OPCML: variants seen among roughly 807,000 people sequenced by gnomAD.
The protein encoded by OPCML is opioid binding protein/cell adhesion molecule like.
OPCML carries 13 observed loss-of-function variants against 37.8 expected under a neutral mutation model. The ratio of observed to expected loss-of-function variants is 0.34; its 90% CI spans 0.22 to 0.55. The LOEUF (loss-of-function observed/expected upper bound fraction) is 0.55. Among genes scored for constraint, OPCML ranks in the 20% least tolerant of loss-of-function variants. OPCML has a pLI of 0.91. For missense variants in OPCML, 341 were observed against 435.6 expected, an observed-to-expected ratio of 0.78 and a Z score of 1.93; for synonymous variants, 176 against 168.8, an observed-to-expected ratio of 1.04 and a Z score of -0.33.
rs1950326362 is a variant in OPCML at position 133,173,928 on chromosome 11, G to GC, written c.62-230919dup. On this transcript the variant is annotated intron_variant, in intron 1 of 7. Coordinates refer to ENST00000524381, the MANE Select transcript of OPCML (RefSeq NM_001012393.5). The surrounding 1 kb of genome is among the most constrained non-coding windows in gnomAD (Gnocchi z 7.8). ...ACCGGGGCCGGCCGGCACTGGAGCA[G>GC]CCCTCTCCCTCCATCCATTCTACAA... 6.6e-6 allele frequency among the ~76,000 whole-genome samples: 1 copy of GC among 152,316 alleles called. No individual in the cohort carries two copies. The highest frequency in any genetic ancestry group is 1.5e-5 in the Non-Finnish European group (1 of 68,028).
intron 1 of OPCML, among the ~76,000 whole-genome samples, chr11:133,196,115 T>A (rs2136310603): frequency 1.3e-5 from 2 of 152,298 alleles, no homozygotes; most frequent in South Asian, 4.1e-4. Flanking sequence ...AAGAAGGAAC[T>A]AAATAGGATC....
At chr11:132,694,856 CAAAG>C (rs1199858884) in intron 2 of OPCML, among the ~76,000 whole-genome samples, 1 of 151,866 alleles carries the variant, frequency 6.6e-6, no homozygotes, top group Non-Finnish European at 1.5e-5. Context: ...TCTGTGGTGA[CAAAG>C]GAAGGAACAA....
chr11:133,401,191 T>A (rs796766454), intron 1 of OPCML, among the ~76,000 whole-genome samples: 1 of 152,106 alleles, frequency 6.6e-6, no homozygotes, highest in Admixed American at 6.6e-5. Context: ...ACAGACGTAG[T>A]GTGAGAGTAA....
chr11:132,560,140 C>T (rs1415300010), intron 3 of OPCML, among the ~76,000 whole-genome samples: 7 of 152,268 alleles, frequency 4.6e-5, no homozygotes, highest in African/African-American at 1.7e-4. Context: ...GTTCTCAGAT[C>T]TTCCCTTTTT....
chr11:132,564,182 T>C lies in OPCML; in HGVS notation c.380-34996A>G, dbSNP rs569756398. Among the ~76,000 whole-genome samples the C allele has an allele frequency of 8.7e-4, 132 of 152,322 alleles. 2 individuals are homozygous for C. In the South Asian group the frequency reaches 0.025, roughly 29 times the overall value. The stretch of plus-strand genomic sequence containing the variant: ...TCTCTTGGCCTGGTCACCCTGGCCA[T>C]TGTGGCCCTTGGTTTTTAAGCAATA... On this transcript the variant is annotated intron_variant, in intron 3 of 7. Transcript: ENST00000524381.
At chr11:132,851,737 A>G (rs1941818011) in intron 2 of OPCML, among the ~76,000 whole-genome samples, 1 of 152,232 alleles carries the variant, frequency 6.6e-6, no homozygotes, top group Admixed American at 6.5e-5. Flanking sequence ...CCCAATTTAT[A>G]GAAGAGAAGA....
intron 1 of OPCML, among the ~76,000 whole-genome samples, chr11:133,050,075 C>T (rs1386988368): frequency 6.6e-6 from 1 of 152,156 alleles, no homozygotes; most frequent in Non-Finnish European, 1.5e-5. Flanking sequence ...TGAGCTTAGC[C>T]CTTCCCTGAG....
At chr11:132,547,810 GTT>G (rs2096372217) in intron 3 of OPCML, among the ~76,000 whole-genome samples, 1 of 152,106 alleles carries the variant, frequency 6.6e-6, no homozygotes, top group Non-Finnish European at 1.5e-5. Context: ...GTGACATCAT[GTT>G]TATCCTTGAA....
chr11:132,961,895 G>C (rs901520604), intron 1 of OPCML, among the ~76,000 whole-genome samples: 6 of 152,212 alleles, frequency 3.9e-5, no homozygotes, highest in Non-Finnish European at 7.3e-5. Context: ...GTCAGGCTCA[G>C]AAATTACCTT....
At chr11:132,934,223 G>A (rs1252994502) in intron 2 of OPCML, among the ~76,000 whole-genome samples, 1 of 152,156 alleles carries the variant, frequency 6.6e-6, no homozygotes, top group Non-Finnish European at 1.5e-5. Context: ...TCAGAGCGGG[G>A]TTAAGGGCAG....
At chr11:132,952,117 T>C (rs1945873317) in intron 1 of OPCML, among the ~76,000 whole-genome samples, 1 of 152,198 alleles carries the variant, frequency 6.6e-6, no homozygotes. Context: ...AAGCCTGGGT[T>C]TGATGCGTAT....
chr11:132,675,820 C>T (rs915914909), intron 2 of OPCML, among the ~76,000 whole-genome samples: 3 of 152,066 alleles, frequency 2.0e-5, no homozygotes, highest in Admixed American at 1.3e-4. Context: ...AAATGGCCAA[C>T]GCCCATGAAT....
chr11:132,819,232 A>T (rs555395915), intron 2 of OPCML, among the ~76,000 whole-genome samples: 1 of 152,210 alleles, frequency 6.6e-6, no homozygotes, highest in South Asian at 2.1e-4. Flanking sequence ...CTACAAGGTC[A>T]CTAGAAGCAA....
chr11:132,624,537 C>A (rs1939624140), intron 3 of OPCML, among the ~76,000 whole-genome samples: 1 of 152,160 alleles, frequency 6.6e-6, no homozygotes, highest in Non-Finnish European at 1.5e-5. Flanking sequence ...TATGTAACCT[C>A]AGATCACTGG....
At chr11:133,097,936 T>A (rs1949028057) in intron 1 of OPCML, among the ~76,000 whole-genome samples, 1 of 152,178 alleles carries the variant, frequency 6.6e-6, no homozygotes. Context: ...ACTACATTTT[T>A]AAGGAAGAAA....
chr11:133,234,239 AG>A (rs1374341599), intron 1 of OPCML, among the ~76,000 whole-genome samples: 2 of 152,166 alleles, frequency 1.3e-5, no homozygotes, highest in Admixed American at 6.5e-5. Context: ...AGAAACAAAA[AG>A]CAAAACCAAA....
At chr11:133,439,245 T>A (rs1946307092) in intron 1 of OPCML, 1 of 973,932 alleles carries the variant, frequency 1.0e-6, no homozygotes, top group Admixed American at 6.2e-5. Context: ...GCGTCACAAT[T>A]GAGTTGAAGC....
intron 2 of OPCML, among the ~76,000 whole-genome samples, chr11:132,687,168 A>G (rs1283543837): frequency 6.6e-6 from 1 of 151,608 alleles, no homozygotes; most frequent in Non-Finnish European, 1.5e-5. Flanking sequence ...ACTCTCTCAT[A>G]TGTATTACGG....
intron 2 of OPCML, among the ~76,000 whole-genome samples, chr11:132,839,576 A>G (rs1473580060): frequency 6.6e-6 from 1 of 152,180 alleles, no homozygotes; most frequent in Non-Finnish European, 1.5e-5. Flanking sequence ...TGAAATGAGG[A>G]CAAGGCTGGA....
Sources: gnomAD v4.1 joint callset for allele counts (sites outside exome capture counted in the v4.1 genomes callset) on GRCh38, gnomAD v4.1.1 for gene constraint, Gnocchi (gnomAD v3.1) non-coding constraint, MANE v1.5 for transcripts, NCBI Gene and HGNC (gene_info 2026-07-23, HGNC 2026-07-21) for gene names.